TRPC5: variants seen among roughly 807,000 people sequenced by gnomAD.
TRPC5 encodes the protein short transient receptor potential channel 5.
Under a neutral mutation model 56.5 loss-of-function variants are expected in TRPC5, and 9 were observed. The ratio of observed to expected loss-of-function variants is 0.16; its 90% CI spans 0.10 to 0.28. The LOEUF is 0.28. Among genes scored for constraint, TRPC5 ranks in the 10% least tolerant of loss-of-function variants. The pLI, the probability that TRPC5 is intolerant of heterozygous loss-of-function variation, is 1.00. For synonymous variants in TRPC5, 282 were observed against 278.5 expected, an observed-to-expected ratio of 1.01 and a Z score of -0.13; for missense variants, 469 against 748.9, an observed-to-expected ratio of 0.63 and a Z score of 4.36.
At chrX:111,890,999 A>G (rs1056089476) in intron 3 of TRPC5, among the ~76,000 whole-genome samples, 7 of 111,658 alleles carry the variant, frequency 6.3e-5, no homozygotes, top group Admixed American at 1.9e-4. Context: ...TTAGTTTGCT[A>G]AGGATAATGA....
chrX:111,921,099 A>G (rs1202733225), intron 2 of TRPC5, among the ~76,000 whole-genome samples: 1 of 111,723 alleles, frequency 9.0e-6, no homozygotes, highest in Non-Finnish European at 1.9e-5. Flanking sequence ...GTTTATTTCT[A>G]TGTTTCCAAT....
rs776438690 is a variant in TRPC5, at chrX:111,768,552, A to G, written c.*7761T>C. ...GCATTCCTATTATAAGAAACAAACT[A>G]AAATGTATTTGCTTGAGAAGGATGT... is the stretch of plus-strand genomic sequence containing the variant. On this transcript the variant is annotated 3_prime_UTR_variant, in exon 11 of 11. Transcript: ENST00000262839. Among the ~76,000 whole-genome samples the G allele has an allele frequency of 4.8e-4, 54 of 112,209 alleles. No individual in the cohort carries two copies. Among genetic ancestry groups the G allele is most frequent in the African/African-American group, 1.7e-3 (54 of 30,973 alleles).
At chrX:111,892,461 C>T (rs142841278) in intron 3 of TRPC5, among the ~76,000 whole-genome samples, 2,774 of 112,096 alleles carry the variant, frequency 0.025, 43 homozygotes, top group Non-Finnish European at 0.041. Context: ...GTGCAACTGG[C>T]AGTGTGTTGG....
At chrX:111,847,025 C>T in intron 6 of TRPC5, 89 bp downstream of exon 6, 1 of 986,993 alleles carries the variant, frequency 1.0e-6, no homozygotes, top group South Asian at 2.4e-5. Context: ...AGTGATGAAG[C>T]TGTAGGCTGA....
chrX:111,870,208 C>T (rs768467247), intron 3 of TRPC5, among the ~76,000 whole-genome samples: 73 of 111,567 alleles, frequency 6.5e-4, no homozygotes, highest in Non-Finnish European at 1.1e-3. Flanking sequence ...ATCCCTTTTA[C>T]AAAACTCTTG....
chrX:112,046,617 G>A (rs1447040635), intron 1 of TRPC5, among the ~76,000 whole-genome samples: 1 of 111,956 alleles, frequency 8.9e-6, no homozygotes. Context: ...AGATAAATGT[G>A]AAGTCAAGGT....
chrX:111,886,061 C>T (rs948133992), intron 3 of TRPC5, among the ~76,000 whole-genome samples: 5 of 111,923 alleles, frequency 4.5e-5, no homozygotes, highest in African/African-American at 1.6e-4. Flanking sequence ...GGGTGGATCA[C>T]CTCAGGTCAG....
chrX:111,795,003 C>G (rs1047455249), intron 7 of TRPC5, among the ~76,000 whole-genome samples: 4 of 111,363 alleles, frequency 3.6e-5, no homozygotes, highest in Non-Finnish European at 5.7e-5. Context: ...CATTCTGTGG[C>G]CTTGTTAAAC....
chrX:111,853,759 C>T lies in TRPC5; in HGVS notation c.1237+11G>A, dbSNP rs369718385. Reference sequence around the variant, plus strand: ...GCAGTCTGGCCATAGGTCCTGGTCCCTTTGACTTACCTAGAACCCAAGGCA... The same window carrying T: ...GCAGTCTGGCCATAGGTCCTGGTCCTTTTGACTTACCTAGAACCCAAGGCA... On this transcript the variant is annotated intron_variant, in intron 4 of 10. Coordinates refer to ENST00000262839, the MANE Select transcript of TRPC5 (RefSeq NM_012471.3). 3 of 1,205,721 alleles carry T rather than the reference C, an allele frequency of 2.5e-6. No homozygotes were observed. The African/African-American group carries it at 5.3e-5, about 21-fold the overall frequency.
rs777601489 is a variant in TRPC5, at chrX:111,853,957, G to A, written c.1050C>T (p.Ile350=). The A allele has an allele frequency of 8.3e-7, 1 of 1,211,792 alleles. No individual in the cohort carries two copies. Among genetic ancestry groups the A allele is most frequent in the South Asian group, 1.8e-5 (1 of 56,957 alleles). ...LFPMLSIAYL[I]SPRSNLGLFI... ...ACAGCCCAAGGTTGCTCCTGGGTGA[G>A]ATCAGGTAGGCTATAGACAGCATGG... The change falls in exon 4 of 11, where the codon ATC becomes ATT. Residue 350 remains isoleucine, a synonymous_variant. Transcript: ENST00000262839.
At chrX:112,053,393 C>T (rs6567998) in intron 1 of TRPC5, among the ~76,000 whole-genome samples, 15,925 of 110,925 alleles carry the variant, frequency 0.14, 1,518 homozygotes, top group African/African-American at 0.35. Flanking sequence ...GCCTATGTTT[C>T]GGTGTTGTAG....
intron 3 of TRPC5, among the ~76,000 whole-genome samples, chrX:111,890,581 G>A (rs907338387): frequency 9.0e-6 from 1 of 111,679 alleles, no homozygotes. Context: ...CAAACATTGT[G>A]TTCTTGCTGA....
intron 1 of TRPC5, among the ~76,000 whole-genome samples, chrX:111,957,203 A>G (rs140629422): frequency 0.08 from 8,902 of 111,577 alleles, 348 homozygotes; most frequent in Non-Finnish European, 0.12. Context: ...AGATCAGCAC[A>G]GATTATACTG....
intron 7 of TRPC5, among the ~76,000 whole-genome samples, chrX:111,823,448 C>A (rs1048478238): frequency 8.9e-6 from 1 of 111,756 alleles, no homozygotes; most frequent in Non-Finnish European, 1.9e-5. Context: ...TGGCAAAGAA[C>A]AAGGCTGAGA....
intron 7 of TRPC5, among the ~76,000 whole-genome samples, chrX:111,788,867 G>A (rs190023574): frequency 7.1e-4 from 79 of 111,551 alleles, no homozygotes; most frequent in Non-Finnish European, 9.0e-4. Context: ...GGGATGTGAA[G>A]GACCTCTTCA....
At chrX:112,026,703 T>C (rs1278234561) in intron 1 of TRPC5, among the ~76,000 whole-genome samples, 2 of 110,759 alleles carry the variant, frequency 1.8e-5, no homozygotes, top group African/African-American at 6.6e-5. Context: ...TTTTTAATTT[T>C]GATTTTCTCA....
rs757112680 is a variant in TRPC5 at position 111,999,340 on chromosome X, C to A, written c.-21-46899G>T. On this transcript the variant is annotated intron_variant, in intron 1 of 10. Transcript: ENST00000262839. ...CTCCATGAGATGAATTTTTTTTTTA[C>A]TCCCACGTATGAGTGAGAACATGGG... 3.7e-4 allele frequency among the ~76,000 whole-genome samples: 41 copies of A among 111,424 alleles called. 1 individual carries two copies. Among genetic ancestry groups the A allele is most frequent in the Non-Finnish European group, 6.6e-4 (35 of 53,058 alleles).
intron 3 of TRPC5, among the ~76,000 whole-genome samples, chrX:111,857,978 T>C (rs1923288571): frequency 8.9e-6 from 1 of 112,680 alleles, no homozygotes; most frequent in South Asian, 3.7e-4. Context: ...TCAATGCCTC[T>C]GCTCTGATTT....
chrX:111,991,110 T>C (rs1928342379), intron 1 of TRPC5, among the ~76,000 whole-genome samples: 1 of 111,816 alleles, frequency 8.9e-6, no homozygotes. Context: ...TGTCTCTATC[T>C]CTTCTAGGTC....
Sources: gnomAD v4.1 joint callset for allele counts (sites outside exome capture counted in the v4.1 genomes callset) on GRCh38, gnomAD v4.1.1 for gene constraint, MANE v1.5 for transcripts, NCBI Gene and HGNC (gene_info 2026-07-23, HGNC 2026-07-21) for gene names.